The following HDGFL2 variants were observed in gnomAD, a reference collection of about 807,000 sequenced individuals.
HDGFL2 encodes the protein HDGF like 2.
In HDGFL2, 36 loss-of-function variants were observed where a neutral mutation model predicts 77.1. That is an observed-to-expected ratio of 0.47 (90% confidence interval 0.36 to 0.62). The LOEUF (loss-of-function observed/expected upper bound fraction) is 0.62. Ranked by LOEUF, HDGFL2 falls within the 20% of genes least tolerant of loss-of-function variation. The pLI is 0.00. For synonymous variants in HDGFL2, 463 were observed against 413.1 expected (o/e 1.12, Z -1.46); for missense variants, 976 against 973.4 (o/e 1.00, Z -0.04).
intron 10 of HDGFL2, chr19:4,497,325 G>A (rs1487785044): frequency 2.7e-6 from 1 of 365,038 alleles, no homozygotes; most frequent in African/African-American, 2.1e-5. Flanking sequence ...AGCCTCCAAA[G>A]TAGCTGGGAC....
In HDGFL2 at chr19:4,494,150, C is replaced by T. The variant is rs755032025; in HGVS notation, c.915-16C>T. Reference sequence around the variant, plus strand: ...AGGGAGGAACGGAGGTCCCCAACCGCCCCCTCCGCCTCCAGTGACAGCGAC... The same window carrying T: ...AGGGAGGAACGGAGGTCCCCAACCGTCCCCTCCGCCTCCAGTGACAGCGAC... On this transcript the variant is annotated splice_polypyrimidine_tract_variant and intron_variant, in intron 8 of 15. Transcript: ENST00000616600. 2.7e-6 allele frequency: 4 copies of T among 1,490,460 alleles called. No homozygotes were observed. The African/African-American group carries it at 5.7e-5, about 21-fold the overall frequency. 92.3% of individuals were successfully genotyped at this position (1,490,460 alleles called of 1,614,324 possible).
intron 4 of HDGFL2, among the ~76,000 whole-genome samples, chr19:4,489,758 A>C (rs928916922): frequency 6.6e-6 from 1 of 152,182 alleles, no homozygotes; most frequent in Admixed American, 6.5e-5. Context: ...AAATTGAGTT[A>C]TAGTCCATAC....
At chr19:4,476,569 T>G (rs1442407479) in intron 3 of HDGFL2, among the ~76,000 whole-genome samples, 1 of 151,356 alleles carries the variant, frequency 6.6e-6, no homozygotes, top group Non-Finnish European at 1.5e-5. Context: ...GTTTTTTTCT[T>G]TTGAGAAGAG....
At chr19:4,474,302 G>A (rs1465077222) in intron 1 of HDGFL2, among the ~76,000 whole-genome samples, 2 of 152,136 alleles carry the variant, frequency 1.3e-5, no homozygotes, top group Non-Finnish European at 2.9e-5. Flanking sequence ...GGTGGGCCTC[G>A]GAGGACCGTG....
chr19:4,498,894 CGTG>C lies in HDGFL2; in HGVS notation c.1559_1561del (p.Val520del). On this transcript the variant is annotated inframe_deletion, in exon 13 of 16. Coordinates refer to ENST00000616600, the MANE Select transcript of HDGFL2 (RefSeq NM_001001520.3). The stretch of plus-strand genomic sequence containing the variant: ...CTCAGATCCTCCAGAAGAACACAGA[CGTG>C]GTGGCCACCTTGAAGAAGGTATGGC... 1 of 1,610,442 alleles carries C rather than the reference CGTG, an allele frequency of 6.2e-7. No homozygotes were observed.
chr19:4,487,218 G>A (rs1375231214), intron 3 of HDGFL2, among the ~76,000 whole-genome samples: 4 of 152,072 alleles, frequency 2.6e-5, no homozygotes, highest in Admixed American at 2.0e-4. Flanking sequence ...CACCCACCGC[G>A]GCCTCCCAAA....
intron 14 of HDGFL2, 114 bp from the exon 15 acceptor site, chr19:4,501,077 C>G: frequency 3.8e-6 from 5 of 1,301,328 alleles, no homozygotes; most frequent in Non-Finnish European, 5.3e-6. Context: ...GGTGGATGGG[C>G]ATGTGTCACC....
intron 6 of HDGFL2, 146 bp from the exon 7 acceptor site, chr19:4,493,557 G>T (rs1179903071): frequency 1.8e-6 from 2 of 1,126,248 alleles, no homozygotes; most frequent in Admixed American, 4.1e-5. Flanking sequence ...GGGTTTTGTG[G>T]GTGGGAGGGG....
At chr19:4,484,118 C>CT (rs1975296696) in intron 3 of HDGFL2, among the ~76,000 whole-genome samples, 1 of 117,438 alleles carries the variant, frequency 8.5e-6, no homozygotes. Flanking sequence ...GAGACAGTGT[C>CT]TGTCACCCAG....
At chr19:4,498,950 C>A in intron 13 of HDGFL2, 35 bp downstream of exon 13, 2 of 1,473,996 alleles carry the variant, frequency 1.4e-6, no homozygotes, top group Non-Finnish European at 1.9e-6. Flanking sequence ...AGGGTGCAGT[C>A]GGGGGAGCTG....
intron 3 of HDGFL2, among the ~76,000 whole-genome samples, chr19:4,485,602 C>T (rs1178636923): frequency 6.6e-6 from 1 of 151,748 alleles, no homozygotes; most frequent in Non-Finnish European, 1.5e-5. Context: ...ATTAGCCAGG[C>T]GTGGTGGCGG....
rs1046871969 is a variant in HDGFL2 at position 4,493,816 on chromosome 19, C to T, written c.792C>T (p.Ser264=). The T allele has an allele frequency of 1.3e-5, 20 of 1,536,140 alleles. No individual in the cohort carries two copies. Among genetic ancestry groups the T allele is most frequent in the Middle Eastern group, 1.7e-4 (1 of 5,954 alleles). Residue 264 remains serine (S), a synonymous_variant, in exon 7 of 16, where the codon TCC becomes TCT. Coordinates refer to ENST00000616600, the MANE Select transcript of HDGFL2 (RefSeq NM_001001520.3). ...ASSSSSSSSS[S]DSDVSVKKPP... ...CCTCCTCCTCTTCCTCCTCCTCCTC[C>T]GACTCCGATGTGTCTGTGAAGAAGC...
chr19:4,494,764 A>C (rs1312140923), intron 9 of HDGFL2, among the ~76,000 whole-genome samples: 2 of 152,076 alleles, frequency 1.3e-5, no homozygotes, highest in East Asian at 1.9e-4. Context: ...AAAAACCTTA[A>C]AAAATTAGCT....
intron 3 of HDGFL2, among the ~76,000 whole-genome samples, chr19:4,482,983 C>T (rs1430579933): frequency 6.6e-6 from 1 of 152,132 alleles, no homozygotes; most frequent in Non-Finnish European, 1.5e-5. Flanking sequence ...CTACTCCCCA[C>T]CCCCAGCGCT....
intron 1 of HDGFL2, among the ~76,000 whole-genome samples, chr19:4,473,738 C>G (rs2145145532): frequency 6.6e-6 from 1 of 151,600 alleles, no homozygotes; most frequent in African/African-American, 2.4e-5. Flanking sequence ...GTCACTGGGA[C>G]TCGGGGAACT....
chr19:4,496,275 C>A, intron 9 of HDGFL2, 27 bp from the exon 10 acceptor site: 1 of 1,595,092 alleles, frequency 6.3e-7, no homozygotes, highest in African/African-American at 1.3e-5. Context: ...TCCCACTGCT[C>A]CAGCGCGCCC....
At chr19:4,485,906 AGCCAG>A (rs561720126) in intron 3 of HDGFL2, among the ~76,000 whole-genome samples, 3 of 91,596 alleles carry the variant, frequency 3.3e-5, no homozygotes, top group Admixed American at 2.4e-4. Context: ...CAAAAACGTT[AGCCAG>A]GTGTGGTGGT....
intron 3 of HDGFL2, among the ~76,000 whole-genome samples, chr19:4,481,843 G>C (rs1975226593): frequency 6.6e-6 from 1 of 151,958 alleles, no homozygotes; most frequent in Non-Finnish European, 1.5e-5. Flanking sequence ...ATTGCACATC[G>C]ACACTTAGGA....
chr19:4,498,097 G>T, intron 11 of HDGFL2, 66 bp downstream of exon 11: 1 of 1,425,168 alleles, frequency 7.0e-7, no homozygotes, highest in African/African-American at 1.4e-5. Flanking sequence ...CAGCCGTGGC[G>T]TGGCTGGCCT....
Sources: gnomAD v4.1 joint callset for allele counts (sites outside exome capture counted in the v4.1 genomes callset) on GRCh38, gnomAD v4.1.1 for gene constraint, MANE v1.5 for transcripts, NCBI Gene and HGNC (gene_info 2026-07-23, HGNC 2026-07-21) for gene names.